GAN: variants seen among roughly 807,000 people sequenced by gnomAD.
The protein encoded by GAN is gigaxonin.
A neutral mutation model predicts 71.3 loss-of-function variants in GAN; 48 were observed. That is an observed-to-expected ratio of 0.67 (90% confidence interval 0.53 to 0.86). The LOEUF is 0.86. Ranked by LOEUF, GAN falls within the 40% of genes least tolerant of loss-of-function variation. GAN has a pLI of 0.00. For synonymous variants in GAN, 386 were observed against 276.8 expected (o/e 1.39, Z -3.92); for missense variants, 928 against 770.1 (o/e 1.21, Z -2.43).
At chr16:81,357,379 A>G (rs111939336) in intron 4 of GAN, among the ~76,000 whole-genome samples, 6,079 of 152,184 alleles carry the variant, frequency 0.04, 174 homozygotes, top group African/African-American at 0.08. Context: ...TTCTTGCGAT[A>G]GTTTACTGAG....
chr16:81,353,590 G>T (rs1039048902), intron 2 of GAN, among the ~76,000 whole-genome samples: 15 of 152,216 alleles, frequency 9.9e-5, no homozygotes, highest in Non-Finnish European at 1.9e-4. Context: ...AATGTTTCTT[G>T]CTATACTCCT....
rs1444896126 is a variant in GAN, at chr16:81,380,452, T to G, written c.*2856T>G. On this transcript the variant is annotated 3_prime_UTR_variant, in exon 11 of 11. Coordinates refer to ENST00000648994, the MANE Select transcript of GAN (RefSeq NM_022041.4). ...GTAGTTTGTTTCTTTGTTTAGCATATCCAAATTTAGATTTTTCAAAGATTT... is the reference window on the plus strand; with the variant it reads ...GTAGTTTGTTTCTTTGTTTAGCATAGCCAAATTTAGATTTTTCAAAGATTT... 1.3e-5 allele frequency: 2 copies of G among 152,470 alleles called. No individual in the cohort carries two copies. Among genetic ancestry groups the G allele is most frequent in the Non-Finnish European group, 2.9e-5 (2 of 68,036 alleles). The allele number at this position is 152,470 out of a possible 1,614,324, so 9.4% of individuals were successfully genotyped here. A position where few individuals can be genotyped will look rare whatever the true frequency, so the allele number is the denominator to read the frequency against.
rs144825717 is a variant in GAN, at chr16:81,341,269, A to T, written c.168-10314A>T. Among the ~76,000 whole-genome samples, 77 of 152,310 alleles carry T rather than the reference A, an allele frequency of 5.1e-4. 1 individual carries two copies. In the East Asian group the frequency reaches 0.014, roughly 28 times the overall value. ...CCCCAACCTAGGGAGGCAGGCCAAC[A>T]TTCAAATTCAGGAAATACAGAGAAT... On this transcript the variant is annotated intron_variant, in intron 1 of 10. Transcript: ENST00000648994.
chr16:81,333,697 C>G (rs1909662950), intron 1 of GAN, among the ~76,000 whole-genome samples: 1 of 152,308 alleles, frequency 6.6e-6, no homozygotes, highest in South Asian at 2.1e-4. Flanking sequence ...AGACTACCAA[C>G]TAGTTGAGAT....
chr16:81,337,170 G>A (rs970086365), intron 1 of GAN, among the ~76,000 whole-genome samples: 1 of 152,138 alleles, frequency 6.6e-6, no homozygotes, highest in African/African-American at 2.4e-5. Context: ...TTCCCTACAG[G>A]AATGTGAATT....
At position 81,362,442 on chromosome 16, in the gene GAN, C is replaced by G. The variant is rs527512250; in HGVS notation, c.974-57C>G. ...GATGCTGTTTCTATATATGCTGTGG[C>G]GTTTATGGGTGTTGAAGACTCACAT... On this transcript the variant is annotated intron_variant, in intron 5 of 10. Coordinates refer to ENST00000648994, the MANE Select transcript of GAN (RefSeq NM_022041.4). 5.9e-6 allele frequency: 5 copies of G among 844,986 alleles called. No individual in the cohort carries two copies. In the South Asian group the frequency reaches 6.6e-5, roughly 11 times the overall value. The allele number at this position is 844,986 out of a possible 1,614,324, so 52.3% of individuals were successfully genotyped here.
At chr16:81,359,815 A>G (rs987184339) in intron 5 of GAN, among the ~76,000 whole-genome samples, 1 of 152,186 alleles carries the variant, frequency 6.6e-6, no homozygotes, top group Non-Finnish European at 1.5e-5. Flanking sequence ...GTAAAAGATT[A>G]ACGACAATAA....
intron 1 of GAN, among the ~76,000 whole-genome samples, chr16:81,325,660 A>C (rs573532918): frequency 2.0e-5 from 3 of 152,338 alleles, no homozygotes; most frequent in Admixed American, 2.0e-4. Context: ...TGTCCTAGGC[A>C]TCAAGATGGT....
At position 81,323,718 on chromosome 16, in the gene GAN, C is replaced by G. The variant is rs117074498; in HGVS notation, c.167+8438C>G. Among the ~76,000 whole-genome samples, 38 of 152,304 alleles carry G rather than the reference C, an allele frequency of 2.5e-4. No individual in the cohort carries two copies. In the East Asian group the frequency reaches 5.4e-3, roughly 22 times the overall value. On this transcript the variant is annotated intron_variant, in intron 1 of 10. Coordinates refer to ENST00000648994, the MANE Select transcript of GAN (RefSeq NM_022041.4). ...ATAACTCAAGACATCTCAGCAGCAT[C>G]TATGTACTGGCAAGATGGTGGCAAC...
rs1011422344 is a variant in GAN, at chr16:81,380,753, A to T, written c.*3157A>T. ...GTAAATATTGAAATATTTGTAGTTT[A>T]TAGTAAGTTTTACTTGGTGTTCGCG... On this transcript the variant is annotated 3_prime_UTR_variant, in exon 11 of 11. Coordinates refer to ENST00000648994, the MANE Select transcript of GAN (RefSeq NM_022041.4). The T allele has an allele frequency of 1.3e-5, 2 of 152,222 alleles. No homozygotes were observed. Among genetic ancestry groups the T allele is most frequent in the Non-Finnish European group, 2.9e-5 (2 of 68,040 alleles). The allele number at this position is 152,222 out of a possible 1,614,324, so 9.4% of individuals were successfully genotyped here. A position where few individuals can be genotyped will look rare whatever the true frequency, so the allele number is the denominator to read the frequency against.
intron 2 of GAN, among the ~76,000 whole-genome samples, chr16:81,354,094 A>G (rs1597401319): frequency 6.6e-6 from 1 of 152,194 alleles, no homozygotes; most frequent in African/African-American, 2.4e-5. Context: ...TTGAGTCATT[A>G]AGGTTTTTCT....
intron 1 of GAN, 42 bp downstream of exon 1, chr16:81,315,322 C>T (rs749807096): frequency 2.2e-6 from 3 of 1,360,138 alleles, no homozygotes; most frequent in Admixed American, 7.2e-5. Context: ...CGGTGCTGCC[C>T]GGAGCCGGAG....
Position 81,363,781 on chromosome 16 carries a change from A to G in GAN, c.1087-13A>G, listed in dbSNP as rs1020810863. 7 of 1,611,872 alleles carry G rather than the reference A, an allele frequency of 4.3e-6. No homozygotes were observed. In the African/African-American group the frequency reaches 6.7e-5, roughly 15 times the overall value. On this transcript the variant is annotated splice_polypyrimidine_tract_variant and intron_variant, in intron 6 of 10. Transcript: ENST00000648994. ...TGGCCTTGTGTGTTCAGGGATCGCT[A>G]ATGTAATTTCAGGCAAGACATAACT...
intron 2 of GAN, 21 bp from the exon 3 acceptor site, chr16:81,354,384 A>G (rs1190036892): frequency 2.0e-6 from 3 of 1,479,004 alleles, no homozygotes; most frequent in Non-Finnish European, 2.8e-6. Context: ...CAAATATAAG[A>G]TAATTATGCT....
chr16:81,346,286 C>T (rs1344519655), intron 1 of GAN, among the ~76,000 whole-genome samples: 1 of 152,216 alleles, frequency 6.6e-6, no homozygotes, highest in Non-Finnish European at 1.5e-5. Context: ...TATGGAGCAT[C>T]TGCTACCCCA....
At chr16:81,366,348 C>T (rs995759864) in intron 9 of GAN, among the ~76,000 whole-genome samples, 2 of 152,222 alleles carry the variant, frequency 1.3e-5, no homozygotes, top group African/African-American at 4.8e-5. Flanking sequence ...AAACCTCTGA[C>T]AAGTGCCACG....
chr16:81,321,088 C>CAATTAAA (rs1909208160), intron 1 of GAN, among the ~76,000 whole-genome samples: 1 of 152,162 alleles, frequency 6.6e-6, no homozygotes, highest in African/African-American at 2.4e-5. Context: ...ACAGATTACT[C>CAATTAAA]ATGTCAGTTT....
chr16:81,357,859 C>A lies in GAN; in HGVS notation c.901C>A (p.Pro301Thr). ...GCGATGCATGTGCCCTCTCTATGACCCTAACAGGCAGCTTTGGATCGAACT... is the reference window on the plus strand; with the variant it reads ...GCGATGCATGTGCCCTCTCTATGACACTAACAGGCAGCTTTGGATCGAACT... ...AMRCMCPLYD[P>T]NRQLWIELAP... is the part of the protein sequence containing the mutation. Residue 301 changes from proline (P) to threonine (T), a missense_variant, in exon 5 of 11, where the codon CCT becomes ACT. Coordinates refer to ENST00000648994, the MANE Select transcript of GAN (RefSeq NM_022041.4). The A allele has an allele frequency of 6.2e-7, 1 of 1,613,060 alleles. No homozygotes were observed. The highest frequency in any genetic ancestry group is 8.5e-7 in the Non-Finnish European group (1 of 1,179,064).
rs1323840139 is a variant in GAN, at chr16:81,351,620, T to A, written c.205T>A (p.Ser69Thr). Residue 69 changes from serine to threonine, a missense_variant, in exon 2 of 11, where the codon TCA (serine) becomes ACA (threonine). Transcript: ENST00000648994. ...CTATAATCCTCCAAAAGATGATGGA[T>A]CAACTTATAAGATTGAACTTGAAGG... ...LNYNPPKDDG[S>T]TYKIELEGIS... is the part of the protein sequence containing the mutation. 1.3e-6 allele frequency: 2 copies of A among 1,557,496 alleles called. No homozygotes were observed. The highest frequency in any genetic ancestry group is 8.9e-7 in the Non-Finnish European group (1 of 1,128,320).
Sources: gnomAD v4.1 joint callset for allele counts (sites outside exome capture counted in the v4.1 genomes callset) on GRCh38, gnomAD v4.1.1 for gene constraint, MANE v1.5 for transcripts, NCBI Gene and HGNC (gene_info 2026-07-23, HGNC 2026-07-21) for gene names.